PDE9A: variants seen among roughly 807,000 people sequenced by gnomAD.
The protein encoded by PDE9A is high affinity cGMP-specific 3',5'-cyclic phosphodiesterase 9A.
A neutral mutation model predicts 87.4 loss-of-function variants in PDE9A; 60 were observed. The observed-to-expected ratio is 0.69, with a 90% CI of 0.56 to 0.85. The LOEUF (loss-of-function observed/expected upper bound fraction) is 0.85. Ranked by LOEUF, PDE9A falls within the 40% of genes least tolerant of loss-of-function variation. The pLI is 0.00. For missense variants in PDE9A, 665 were observed against 779.0 expected, an observed-to-expected ratio of 0.85 and a Z score of 1.74; for synonymous variants, 272 against 279.4, an observed-to-expected ratio of 0.97 and a Z score of 0.27.
At position 42,705,557 on chromosome 21, in the gene PDE9A, C is replaced by T. The variant is rs983532640; in HGVS notation, c.262+6546C>T. On this transcript the variant is annotated intron_variant, in intron 4 of 19. Transcript: ENST00000291539. This position sits in a 1 kb window ranked among gnomAD's most constrained non-coding sequence, Gnocchi z 4.3. ...GGCAGATCGCGTGGGTCCATGGGTCCGTGTGATCTCATGACCGTATCAAGG... is the reference window on the plus strand; with the variant it reads ...GGCAGATCGCGTGGGTCCATGGGTCTGTGTGATCTCATGACCGTATCAAGG... Among the ~76,000 whole-genome samples the T allele has an allele frequency of 6.6e-6, 1 of 152,074 alleles. No individual in the cohort carries two copies. The highest frequency in any genetic ancestry group is 2.4e-5 in the African/African-American group (1 of 41,394).
intron 4 of PDE9A, among the ~76,000 whole-genome samples, chr21:42,725,620 G>T (rs73229581): frequency 6.6e-6 from 1 of 152,040 alleles, no homozygotes; most frequent in African/African-American, 2.4e-5. Flanking sequence ...TGGGATTGGC[G>T]CCTTCCACCC....
At chr21:42,690,100 T>C (rs2059716984) in intron 3 of PDE9A, 2 of 983,406 alleles carry the variant, frequency 2.0e-6, no homozygotes, top group African/African-American at 1.8e-5. Flanking sequence ...GTGGAGAAGA[T>C]GGAGGTAGAC....
In PDE9A at chr21:42,751,155, C is replaced by G; in HGVS notation, c.693C>G (p.His231Gln). Residue 231 changes from histidine to glutamine, a missense_variant, in exon 9 of 20, where the codon CAC (histidine) becomes CAG (glutamine). His to Gln is a conservative substitution (Grantham distance 24). Coordinates refer to ENST00000291539, the MANE Select transcript of PDE9A (RefSeq NM_002606.3). ...GTAAGTACAGTTTTTTGGATAACCA[C>G]AAGAAGTTGACTCCTCGACGCGATG... is the stretch of plus-strand genomic sequence containing the variant. ...CPCKYSFLDN[H>Q]KKLTPRRDVP... 6.2e-7 allele frequency: 1 copy of G among 1,613,310 alleles called. No individual in the cohort carries two copies. The highest frequency in any genetic ancestry group is 8.5e-7 in the Non-Finnish European group (1 of 1,179,272).
Position 42,732,119 on chromosome 21 carries a change from C to T in PDE9A, c.492C>T (p.Phe164=), listed in dbSNP as rs1247655467. Residue 164 remains phenylalanine, a synonymous_variant, in exon 6 of 20, where the codon TTC becomes TTT. Transcript: ENST00000291539. ...TGCTGGCGCAGGTTGCAGAGCAGTT[C>T]TCAAGGTACAGAGTCTTCTAAACTT... ...QSVLAQVAEQ[F]SRAFKINELK... 1.2e-6 allele frequency: 2 copies of T among 1,613,722 alleles called. No homozygotes were observed. Among genetic ancestry groups the T allele is most frequent in the Admixed American group, 1.7e-5 (1 of 60,008 alleles).
intron 4 of PDE9A, among the ~76,000 whole-genome samples, chr21:42,703,655 G>A (rs2048568580): frequency 6.6e-6 from 1 of 152,142 alleles, no homozygotes; most frequent in Admixed American, 6.5e-5. Context: ...GTGAATGGAA[G>A]GAAGTTGGAA....
chr21:42,752,336 A>G (rs182064040), intron 9 of PDE9A, among the ~76,000 whole-genome samples: 1 of 152,130 alleles, frequency 6.6e-6, no homozygotes, highest in Non-Finnish European at 1.5e-5. Flanking sequence ...CAATGGCATG[A>G]TCTCAGCTCA....
intron 19 of PDE9A, among the ~76,000 whole-genome samples, chr21:42,774,750 C>T (rs562435590): frequency 1.3e-4 from 19 of 151,560 alleles, no homozygotes; most frequent in African/African-American, 3.9e-4. Context: ...GCTGTAGTGG[C>T]GTGCACCTGT....
chr21:42,758,751 T>A, intron 10 of PDE9A: 8 of 440,664 alleles, frequency 1.8e-5, no homozygotes, highest in East Asian at 8.0e-5. Flanking sequence ...AGGATCCACC[T>A]GCCAGGAGAC....
At chr21:42,710,842 G>T (rs1407305659) in intron 4 of PDE9A, among the ~76,000 whole-genome samples, 1 of 152,172 alleles carries the variant, frequency 6.6e-6, no homozygotes, top group Non-Finnish European at 1.5e-5. Context: ...ACAAAAATTA[G>T]CTGGGTGTGG....
At chr21:42,680,871 G>A (rs937159838) in intron 1 of PDE9A, among the ~76,000 whole-genome samples, 1 of 152,186 alleles carries the variant, frequency 6.6e-6, no homozygotes, top group Non-Finnish European at 1.5e-5. Flanking sequence ...CTCCGGAAAC[G>A]CTGCAGATTG....
At chr21:42,715,913 T>G (rs1602230553) in intron 4 of PDE9A, among the ~76,000 whole-genome samples, 1 of 151,900 alleles carries the variant, frequency 6.6e-6, no homozygotes, top group East Asian at 1.9e-4. Flanking sequence ...GCGCCACCTA[T>G]TCATCCCTCC....
chr21:42,749,948 G>GCC (rs199584239), intron 8 of PDE9A, among the ~76,000 whole-genome samples: 1,712 of 152,264 alleles, frequency 0.011, 30 homozygotes, highest in African/African-American at 0.038. Context: ...GACCAGCCTG[G>GCC]CCAACATGGT....
intron 8 of PDE9A, among the ~76,000 whole-genome samples, chr21:42,747,089 G>GC (rs1429027770): frequency 1.3e-5 from 2 of 152,220 alleles, no homozygotes; most frequent in Admixed American, 1.3e-4. Context: ...CGCGTCATGT[G>GC]CCCCAGGCCG....
intron 1 of PDE9A, among the ~76,000 whole-genome samples, chr21:42,679,848 C>T (rs367879214): frequency 5.8e-4 from 88 of 152,364 alleles, no homozygotes; most frequent in African/African-American, 2.1e-3. Flanking sequence ...GGAGGCCAGA[C>T]CCTCAAACTC....
chr21:42,744,545 G>A (rs1356537596), intron 8 of PDE9A, among the ~76,000 whole-genome samples: 8 of 152,152 alleles, frequency 5.3e-5, no homozygotes, highest in Admixed American at 2.0e-4. Flanking sequence ...CCAGGGACCC[G>A]GTTCCTTGTG....
At position 42,739,470 on chromosome 21, in the gene PDE9A, C is replaced by T. The variant is rs1271460376; in HGVS notation, c.569-4306C>T. Among the ~76,000 whole-genome samples, 1 of 152,236 alleles carries T rather than the reference C, an allele frequency of 6.6e-6. No individual in the cohort carries two copies. The highest frequency in any genetic ancestry group is 1.9e-4 in the East Asian group (1 of 5,206). On this transcript the variant is annotated intron_variant, in intron 7 of 19. Transcript: ENST00000291539. The surrounding 1 kb of genome is among the most constrained non-coding windows in gnomAD (Gnocchi z 4.1). ...GCACACACATCCACCACATGCTCAC[C>T]TCTGCCTCCTCCTGCAGACCTCCCC...
At chr21:42,767,944 CA>C (rs2056562294) in intron 15 of PDE9A, among the ~76,000 whole-genome samples, 1 of 152,218 alleles carries the variant, frequency 6.6e-6, no homozygotes, top group African/African-American at 2.4e-5. Flanking sequence ...GGCAGTGCTT[CA>C]GGGGATATCA....
chr21:42,712,580 C>T (rs1003676922), intron 4 of PDE9A, among the ~76,000 whole-genome samples: 1 of 152,212 alleles, frequency 6.6e-6, no homozygotes, highest in Non-Finnish European at 1.5e-5. Flanking sequence ...CAGACGTCCT[C>T]GCCTTGTTCC....
chr21:42,705,574 G>GT lies in PDE9A; in HGVS notation c.262+6564dup, dbSNP rs2048758467. ...CATGGGTCCGTGTGATCTCATGACC[G>GT]TATCAAGGGGATTGTGTCTTTTTGA... On this transcript the variant is annotated intron_variant, in intron 4 of 19. Coordinates refer to ENST00000291539, the MANE Select transcript of PDE9A (RefSeq NM_002606.3). The surrounding 1 kb of genome is among the most constrained non-coding windows in gnomAD (Gnocchi z 4.3). Among the ~76,000 whole-genome samples the GT allele has an allele frequency of 6.6e-6, 1 of 152,176 alleles. No individual in the cohort carries two copies. The highest frequency in any genetic ancestry group is 2.4e-5 in the African/African-American group (1 of 41,438).
Sources: allele counts gnomAD v4.1 joint callset (sites outside exome capture counted in the v4.1 genomes callset), GRCh38; gene constraint gnomAD v4.1.1; non-coding constraint Gnocchi (gnomAD v3.1); transcripts MANE v1.5; gene names NCBI Gene and HGNC (gene_info 2026-07-23, HGNC 2026-07-21).